The following IFI16 variants were observed in gnomAD, a reference collection of about 807,000 sequenced individuals.
IFI16 encodes the protein gamma-interferon-inducible protein 16.
Under a neutral mutation model 68.4 loss-of-function variants are expected in IFI16, and 49 were observed. The ratio of observed to expected loss-of-function variants is 0.72; its 90% CI spans 0.57 to 0.91. The LOEUF is 0.91. Among genes scored for constraint, IFI16 ranks in the 40% least tolerant of loss-of-function variants. The probability of loss-of-function intolerance (pLI) is 0.00; values close to 1 mark genes in which losing one functional copy is unlikely to be tolerated. For missense variants in IFI16, 878 were observed against 942.9 expected, an observed-to-expected ratio of 0.93 and a Z score of 0.90; for synonymous variants, 307 against 315.0, an observed-to-expected ratio of 0.97 and a Z score of 0.27.
At chr1:159,036,920 A>C (rs1275157162) in intron 7 of IFI16, among the ~76,000 whole-genome samples, 1 of 152,134 alleles carries the variant, frequency 6.6e-6, no homozygotes, top group African/African-American at 2.4e-5. Flanking sequence ...TCAATTTTTC[A>C]TGTTGTTTTG....
Position 159,053,573 on chromosome 1 carries a change from A to G in IFI16, c.2126A>G (p.Asp709Gly). 6.2e-7 allele frequency: 1 copy of G among 1,613,124 alleles called. No homozygotes were observed. Among genetic ancestry groups the G allele is most frequent in the Non-Finnish European group, 8.5e-7 (1 of 1,179,228 alleles). The change falls in exon 11 of 12, where the codon GAT (aspartate) becomes GGT (glycine). Residue 709 changes from aspartate to glycine, a missense_variant. By Grantham distance (94) the Asp-to-Gly change is moderately conservative. This residue lies in a region of IFI16 where 311 missense variants were observed against 305.1 expected (regional missense o/e 1.02). Coordinates refer to ENST00000295809, the MANE Select transcript of IFI16 (RefSeq NM_001376587.1). ...RGEFTYYEIQ[D>G]NTGKMEVVVH... ...GAATTCACTTATTATGAAATACAAG[A>G]TAATACAGGGAAGATGGAAGTGGTG... is the stretch of plus-strand genomic sequence containing the variant.
At chr1:159,042,384 C>G (rs1654707043) in intron 7 of IFI16, among the ~76,000 whole-genome samples, 1 of 152,166 alleles carries the variant, frequency 6.6e-6, no homozygotes, top group African/African-American at 2.4e-5. Flanking sequence ...AATAAATCCC[C>G]CAGTATTACT....
upstream of IFI16, among the ~76,000 whole-genome samples, chr1:159,003,183 A>T (rs928004781): frequency 1.3e-5 from 2 of 152,234 alleles, no homozygotes; most frequent in African/African-American, 4.8e-5. Context: ...AGAAGGAAGT[A>T]AAACATGGTG....
upstream of IFI16, chr1:159,008,933 A>G (rs1270805650): frequency 6.6e-6 from 1 of 152,110 alleles, no homozygotes; most frequent in Non-Finnish European, 1.5e-5. Context: ...TCCACTCATG[A>G]CCACATCCTG....
chr1:159,032,660 C>T lies in IFI16; in HGVS notation c.1298C>T (p.Pro433Leu). ...ESHLRTPQMP[P>L]TTPSSSFFTK... is the part of the protein sequence containing the mutation. ...CATCTTCGGACTCCTCAGATGCCAC[C>T]AACAACTCCATCCAGCAGTTTCTTC... Residue 433 changes from proline (P) to leucine (L), a missense_variant, in exon 7 of 12, where the codon CCA becomes CTA. Around this residue, in one of 4 missense-constraint regions of IFI16, gnomAD observed 443 missense variants for 421.8 expected, o/e 1.05. Transcript: ENST00000295809. The T allele has an allele frequency of 1.2e-6, 2 of 1,603,916 alleles. No individual in the cohort carries two copies. Among genetic ancestry groups the T allele is most frequent in the South Asian group, 1.1e-5 (1 of 89,448 alleles).
At chr1:159,023,441 T>C (rs188040228) in intron 6 of IFI16, among the ~76,000 whole-genome samples, 44 of 152,110 alleles carry the variant, frequency 2.9e-4, no homozygotes, top group Middle Eastern at 6.8e-3. Context: ...ATAGTTTATT[T>C]AGTCTACTTA....
intron 6 of IFI16, 69 bp downstream of exon 6, chr1:159,020,598 C>A (rs1653250037): frequency 1.6e-6 from 2 of 1,215,414 alleles, no homozygotes; most frequent in Non-Finnish European, 2.3e-6. Context: ...TTGGCAAAAA[C>A]AAGTTTGTAG....
chr1:159,044,508 A>G lies in IFI16; in HGVS notation c.1330-789A>G, dbSNP rs1571885414. ...AAGCAGTTCTTTTGTGTACCTCTCT[A>G]TCAACAATTGCCACTTAAAAAATTA... On this transcript the variant is annotated intron_variant, in intron 7 of 11. Coordinates refer to ENST00000295809, the MANE Select transcript of IFI16 (RefSeq NM_001376587.1). Among the ~76,000 whole-genome samples, 4 of 152,152 alleles carry G rather than the reference A, an allele frequency of 2.6e-5. No homozygotes were observed. The East Asian group carries it at 7.7e-4, about 29-fold the overall frequency.
At position 159,051,885 on chromosome 1, in the gene IFI16, C is replaced by T. The variant is rs1488641555; in HGVS notation, c.1872C>T (p.Phe624=). The change falls in exon 10 of 12, where the codon TTC becomes TTT. Residue 624 remains phenylalanine (F), a synonymous_variant. Transcript: ENST00000295809. ...TTAATATTGACCTAAAGGAGAAGTT[C>T]ACCCCAAAGAAGATCATTGCCATAG... is the stretch of plus-strand genomic sequence containing the variant. The part of the protein sequence containing the change: ...KVFNIDLKEK[F]TPKKIIAIAN... 3 of 1,614,008 alleles carry T rather than the reference C, an allele frequency of 1.9e-6. No homozygotes were observed. The South Asian group carries it at 3.3e-5, about 18-fold the overall frequency.
At chr1:159,006,200 T>G (rs1652252242), upstream of IFI16, among the ~76,000 whole-genome samples, 1 of 152,166 alleles carries the variant, frequency 6.6e-6, no homozygotes, top group South Asian at 2.1e-4. Context: ...AGTAAGCCAG[T>G]GGCCAAAGAG....
Position 159,027,003 on chromosome 1 carries a change from C to T in IFI16, c.1162-5521C>T, listed in dbSNP as rs112146910. On this transcript the variant is annotated intron_variant, in intron 6 of 11. Transcript: ENST00000295809. The stretch of plus-strand genomic sequence containing the variant: ...AGCAACAGTTTGACTTCCTCTTTGC[C>T]GATTTGGATTTCCTTTATTTCTTTT... Among the ~76,000 whole-genome samples, 235 of 152,192 alleles carry T rather than the reference C, an allele frequency of 1.5e-3. 2 individuals carry two copies. Among genetic ancestry groups the T allele is most frequent in the Middle Eastern group, 0.01 (3 of 292 alleles).
At chr1:159,027,587 TA>T (rs1175664827) in intron 6 of IFI16, among the ~76,000 whole-genome samples, 1 of 152,186 alleles carries the variant, frequency 6.6e-6, no homozygotes, top group Non-Finnish European at 1.5e-5. Flanking sequence ...TCTTGTGAAA[TA>T]ATGTCAATAA....
chr1:159,048,488 T>A (rs1478789916), intron 8 of IFI16, among the ~76,000 whole-genome samples: 7 of 151,468 alleles, frequency 4.6e-5, no homozygotes, highest in Admixed American at 4.0e-4. Context: ...GAATCCACAG[T>A]AGGTGTGCAA....
chr1:159,051,594 A>C, intron 9 of IFI16, 85 bp from the exon 10 acceptor site: 1 of 1,071,696 alleles, frequency 9.3e-7, no homozygotes, highest in East Asian at 2.4e-5. Context: ...GAGGACCAAC[A>C]CTGAGGCTGA....
At chr1:159,017,105 C>G (rs544905292) in intron 4 of IFI16, among the ~76,000 whole-genome samples, 1 of 152,294 alleles carries the variant, frequency 6.6e-6, no homozygotes, top group South Asian at 2.1e-4. Context: ...AAACAACCTC[C>G]CCTGCATTAA....
chr1:159,031,945 A>T (rs856057), intron 6 of IFI16, among the ~76,000 whole-genome samples: 106,824 of 152,132 alleles, frequency 0.7, 40,249 homozygotes, highest in Admixed American at 0.84. Context: ...CTGGCACATT[A>T]GTTTCCTGAT....
chr1:159,001,370 C>T (rs1652050969), upstream of IFI16, among the ~76,000 whole-genome samples: 3 of 152,094 alleles, frequency 2.0e-5, no homozygotes, highest in South Asian at 6.2e-4. Flanking sequence ...AGGGGAGGCT[C>T]CCATTGATAG....
At chr1:159,006,629 C>T (rs1028569920), upstream of IFI16, among the ~76,000 whole-genome samples, 1 of 152,030 alleles carries the variant, frequency 6.6e-6, no homozygotes, top group Non-Finnish European at 1.5e-5. Context: ...TCCGACCTTC[C>T]CAGCTAGAGA....
At chr1:159,005,089 C>G (rs1652204320), upstream of IFI16, among the ~76,000 whole-genome samples, 1 of 152,156 alleles carries the variant, frequency 6.6e-6, no homozygotes, top group East Asian at 1.9e-4. Flanking sequence ...TAATGCCACT[C>G]TAACGGGCAT....
Sources: gnomAD v4.1 joint callset for allele counts (sites outside exome capture counted in the v4.1 genomes callset) on GRCh38, gnomAD v4.1.1 for gene constraint, gnomAD v4.1.1 regional missense constraint, MANE v1.5 for transcripts, NCBI Gene and HGNC (gene_info 2026-07-23, HGNC 2026-07-21) for gene names.